The following CDK6 variants were observed in gnomAD, a reference collection of about 807,000 sequenced individuals.
CDK6 encodes cyclin dependent kinase 6.
In CDK6, 6 loss-of-function variants were observed where a neutral mutation model predicts 37.1. That is an observed-to-expected ratio of 0.16 (90% CI 0.09 to 0.32). The LOEUF is 0.32. Among genes scored for constraint, CDK6 ranks in the 10% least tolerant of loss-of-function variants. The pLI, the probability that CDK6 is intolerant of heterozygous loss-of-function variation, is 1.00. For missense variants in CDK6, 224 were observed against 418.9 expected (o/e 0.53, Z 4.06); for synonymous variants, 160 against 161.3 (o/e 0.99, Z 0.06).
At chr7:92,642,810 G>A (rs934683981) in intron 5 of CDK6, among the ~76,000 whole-genome samples, 1 of 151,914 alleles carries the variant, frequency 6.6e-6, no homozygotes, top group African/African-American at 2.4e-5. Context: ...TCCAAAGCTG[G>A]CTCTCATGAC....
chr7:92,801,614 T>C (rs1800577364), intron 2 of CDK6, among the ~76,000 whole-genome samples: 1 of 152,026 alleles, frequency 6.6e-6, no homozygotes, highest in African/African-American at 2.4e-5. Flanking sequence ...GAATATTCTC[T>C]TTCCCTCCTT....
rs113031768 is a variant in CDK6 at position 92,735,455 on chromosome 7, A to C, written c.370-9662T>G. Among the ~76,000 whole-genome samples, 1,076 of 152,194 alleles carry C rather than the reference A, an allele frequency of 7.1e-3. 15 individuals are homozygous for C. Among genetic ancestry groups the C allele is most frequent in the African/African-American group, 0.025 (1,023 of 41,528 alleles). The stretch of plus-strand genomic sequence containing the variant: ...TAGTCCCCAGTGTCTATGAAGTCCC[A>C]ATTTTTTGGAGCCTCAGGTTTTCAC... On this transcript the variant is annotated intron_variant, in intron 3 of 7. Transcript: ENST00000424848.
intron 2 of CDK6, among the ~76,000 whole-genome samples, chr7:92,775,098 G>A (rs941675594): frequency 1.3e-5 from 2 of 152,198 alleles, no homozygotes; most frequent in African/African-American, 2.4e-5. Flanking sequence ...GCACAAGAAC[G>A]CTTGGAGAGT....
At chr7:92,803,084 C>T (rs148202212) in intron 2 of CDK6, among the ~76,000 whole-genome samples, 56 of 152,282 alleles carry the variant, frequency 3.7e-4, no homozygotes, top group African/African-American at 1.3e-3. Context: ...TCAAGTACTT[C>T]TTGTATAATA....
intron 2 of CDK6, among the ~76,000 whole-genome samples, chr7:92,792,600 G>T (rs528182529): frequency 1.3e-5 from 2 of 152,172 alleles, no homozygotes; most frequent in South Asian, 4.1e-4. Context: ...GAATCCAGAA[G>T]ATCTGGTAAC....
At chr7:92,631,442 C>T (rs1796050300) in intron 5 of CDK6, among the ~76,000 whole-genome samples, 1 of 152,158 alleles carries the variant, frequency 6.6e-6, no homozygotes, top group Non-Finnish European at 1.5e-5. Context: ...TGAAAGTGGT[C>T]CAGACAGACA....
At chr7:92,827,996 G>C (rs1049199499) in intron 2 of CDK6, among the ~76,000 whole-genome samples, 1 of 152,028 alleles carries the variant, frequency 6.6e-6, no homozygotes, top group African/African-American at 2.4e-5. Context: ...TAATGTGCCA[G>C]AGCCACATTA....
chr7:92,782,430 G>A (rs1008830643), intron 2 of CDK6, among the ~76,000 whole-genome samples: 1 of 152,168 alleles, frequency 6.6e-6, no homozygotes, highest in Non-Finnish European at 1.5e-5. Flanking sequence ...AACAGCAGGG[G>A]CCCACGGATG....
intron 7 of CDK6, among the ~76,000 whole-genome samples, chr7:92,617,010 T>A (rs1379106895): frequency 1.3e-5 from 2 of 152,218 alleles, no homozygotes; most frequent in Non-Finnish European, 2.9e-5. Context: ...TGCAAGAAAA[T>A]TTAGTTTAAT....
At position 92,610,216 on chromosome 7, in the gene CDK6, C is replaced by G. The variant is rs955216289; in HGVS notation, c.*4924G>C. 1 of 232,056 alleles carries G rather than the reference C, an allele frequency of 4.3e-6. No individual in the cohort carries two copies. 14.4% of individuals were successfully genotyped at this position (232,056 alleles called of 1,614,324 possible). On this transcript the variant is annotated 3_prime_UTR_variant, in exon 8 of 8. Coordinates refer to ENST00000424848, the MANE Select transcript of CDK6 (RefSeq NM_001145306.2). ...CCACATCAACTTCAAATTGCTGTAA[C>G]AGTATTTCAGCAGATGCTCGAAAAG...
chr7:92,616,166 T>C (rs1251411051), intron 7 of CDK6, among the ~76,000 whole-genome samples: 2 of 152,126 alleles, frequency 1.3e-5, no homozygotes, highest in Non-Finnish European at 2.9e-5. Flanking sequence ...GTATATGAAA[T>C]GTCTATGCAT....
rs397889657 is a variant in CDK6 at position 92,632,933 on chromosome 7, CTT to C, written c.648-9849_648-9848del. On this transcript the variant is annotated intron_variant, in intron 5 of 7. Transcript: ENST00000424848. ...TGGATATGATGGTATCTCTAAAGATCTTTTTTTTTTTTTTTTTTTTTTTCCAA... is the reference window on the plus strand; with the variant it reads ...TGGATATGATGGTATCTCTAAAGATCTTTTTTTTTTTTTTTTTTTTTCCAA... Among the ~76,000 whole-genome samples, 736 of 108,848 alleles carry C rather than the reference CTT, an allele frequency of 6.8e-3. 4 individuals are homozygous for C. The highest frequency in any genetic ancestry group is 0.025 in the African/African-American group (682 of 27,536). The allele number at this position is 108,848 out of a possible 152,430, so 71.4% of individuals were successfully genotyped here. A position where few individuals can be genotyped will look rare whatever the true frequency, so the allele number is the denominator to read the frequency against.
At chr7:92,658,475 G>A (rs1245031073) in intron 5 of CDK6, among the ~76,000 whole-genome samples, 5 of 152,212 alleles carry the variant, frequency 3.3e-5, no homozygotes, top group East Asian at 1.9e-4. Flanking sequence ...AAAATAAAGC[G>A]AATAAGCAAT....
At chr7:92,714,077 T>C (rs920655492) in intron 4 of CDK6, among the ~76,000 whole-genome samples, 7 of 152,212 alleles carry the variant, frequency 4.6e-5, no homozygotes, top group African/African-American at 1.7e-4. Flanking sequence ...TTTTGCAATG[T>C]TAATCTTTTA....
At chr7:92,773,923 C>G (rs1799780274) in intron 3 of CDK6, among the ~76,000 whole-genome samples, 1 of 152,132 alleles carries the variant, frequency 6.6e-6, no homozygotes, top group African/African-American at 2.4e-5. Context: ...TTTAAGCTAC[C>G]TAATTCACAC....
chr7:92,833,073 CG>C lies in CDK6; in HGVS notation c.233+17del. 1 of 1,528,224 alleles carries C rather than the reference CG, an allele frequency of 6.5e-7. No individual in the cohort carries two copies. Among genetic ancestry groups the C allele is most frequent in the African/African-American group, 1.4e-5 (1 of 72,906 alleles). The allele number at this position is 1,528,224 out of a possible 1,614,324, so 94.7% of individuals were successfully genotyped here. A position where few individuals can be genotyped will look rare whatever the true frequency, so the allele number is the denominator to read the frequency against. On this transcript the variant is annotated intron_variant, in intron 2 of 7. Transcript: ENST00000424848. The surrounding 1 kb of genome is among the most constrained non-coding windows in gnomAD (Gnocchi z 6.1). ...CGCGCGAGGCCCCAGATGGCGAGGG[CG>C]CAGCTCCCTGGCTCACCTGACCACG...
intron 3 of CDK6, among the ~76,000 whole-genome samples, chr7:92,756,562 A>G (rs1424626710): frequency 6.6e-6 from 1 of 152,254 alleles, no homozygotes; most frequent in Non-Finnish European, 1.5e-5. Context: ...GATCTAGGTT[A>G]GACAGGGCTC....
At chr7:92,803,327 C>T (rs1428149518) in intron 2 of CDK6, among the ~76,000 whole-genome samples, 1 of 152,154 alleles carries the variant, frequency 6.6e-6, no homozygotes, top group South Asian at 2.1e-4. Context: ...AGATATAACA[C>T]AACACTAAAC....
At chr7:92,778,924 C>CATATATATATATATATATATATATAT (rs145888983) in intron 2 of CDK6, among the ~76,000 whole-genome samples, 19 of 109,008 alleles carry the variant, frequency 1.7e-4, no homozygotes, top group South Asian at 3.6e-4. Context: ...TATAGTTTAT[C>CATATATATATATATATATATATATAT]ATATATATAT....
Sources: allele counts gnomAD v4.1 joint callset (sites outside exome capture counted in the v4.1 genomes callset), GRCh38; gene constraint gnomAD v4.1.1; non-coding constraint Gnocchi (gnomAD v3.1); transcripts MANE v1.5; gene names NCBI Gene and HGNC (gene_info 2026-07-23, HGNC 2026-07-21).